The following GRB10 variants were observed in gnomAD, a reference collection of about 807,000 sequenced individuals.
GRB10 encodes the protein growth factor receptor bound protein 10, also known as growth factor receptor-bound protein 10.
A neutral mutation model predicts 80.9 loss-of-function variants in GRB10; 20 were observed. The ratio of observed to expected loss-of-function variants is 0.25; its 90% confidence interval spans 0.17 to 0.36. The LOEUF is 0.36. Among genes scored for constraint, GRB10 ranks in the 10% least tolerant of loss-of-function variants. GRB10 has a pLI of 1.00. For missense variants in GRB10, 548 were observed against 747.7 expected (o/e 0.73, Z 3.12); for synonymous variants, 291 against 291.5 (o/e 1.00, Z 0.02).
intron 6 of GRB10, among the ~76,000 whole-genome samples, chr7:50,671,431 G>A (rs957555374): frequency 6.6e-6 from 1 of 152,190 alleles, no homozygotes; most frequent in Non-Finnish European, 1.5e-5. Context: ...TTTTTTAAAG[G>A]AAGATCCAGC....
rs1290432550 is a variant in GRB10 at position 50,680,551 on chromosome 7, G to A, written c.140-5893C>T. On this transcript the variant is annotated intron_variant, in intron 5 of 18. Coordinates refer to ENST00000401949, the MANE Select transcript of GRB10 (RefSeq NM_001350814.2). ...AGTGGCAGGGCTCCAATCAGTGCTG[G>A]TGCCTATGGAGACTCAGAAGTCTCC... Among the ~76,000 whole-genome samples, 3 of 152,198 alleles carry A rather than the reference G, an allele frequency of 2.0e-5. No homozygotes were observed. The East Asian group carries it at 5.8e-4, about 29-fold the overall frequency.
chr7:50,765,559 T>G (rs2076256384), intron 2 of GRB10, among the ~76,000 whole-genome samples: 1 of 152,202 alleles, frequency 6.6e-6, no homozygotes, highest in African/African-American at 2.4e-5. Context: ...ACATATGACA[T>G]GTTCTCACTC....
Position 50,656,997 on chromosome 7 carries a change from C to T in GRB10, c.504+12725G>A, listed in dbSNP as rs564919178. On this transcript the variant is annotated intron_variant, in intron 7 of 18. Transcript: ENST00000401949. ...CATCATTTATAGCACAGACACTGGA[C>T]GACAATGCAAATTATCTGGTCACTG... Among the ~76,000 whole-genome samples, 8 of 152,204 alleles carry T rather than the reference C, an allele frequency of 5.3e-5. No individual in the cohort carries two copies. In the South Asian group the frequency reaches 8.3e-4, roughly 16 times the overall value.
rs767059957 is a variant in GRB10, at chr7:50,782,126, G to T, written c.-327+298C>A. ...CGAGGTTCGCTCGAATCGTCGTCAC[G>T]GGTTTCCGTGGGTACAGTTATTACT... is the stretch of plus-strand genomic sequence containing the variant. On this transcript the variant is annotated intron_variant, in intron 1 of 18. Coordinates refer to ENST00000401949, the MANE Select transcript of GRB10 (RefSeq NM_001350814.2). This position sits in a 1 kb window ranked among gnomAD's most constrained non-coding sequence, Gnocchi z 6.6. 5.3e-5 allele frequency among the ~76,000 whole-genome samples: 8 copies of T among 152,180 alleles called. No homozygotes were observed. The highest frequency in any genetic ancestry group is 2.0e-4 in the Admixed American group (3 of 15,286).
intron 4 of GRB10, among the ~76,000 whole-genome samples, chr7:50,706,907 G>A (rs2065114859): frequency 6.6e-6 from 1 of 152,156 alleles, no homozygotes; most frequent in South Asian, 2.1e-4. Context: ...TGGCCCGCTG[G>A]CCTCCCAACC....
At chr7:50,660,169 C>T (rs1000228885) in intron 7 of GRB10, among the ~76,000 whole-genome samples, 6 of 152,168 alleles carry the variant, frequency 3.9e-5, no homozygotes, top group East Asian at 1.9e-4. Context: ...GCTGCGGTGC[C>T]GTGTTCACGT....
At chr7:50,742,020 A>C (rs768203875) in intron 3 of GRB10, among the ~76,000 whole-genome samples, 52 of 152,108 alleles carry the variant, frequency 3.4e-4, no homozygotes, top group Non-Finnish European at 6.0e-4. Flanking sequence ...CAAAAAAAAA[A>C]ACCCAAATCA....
intron 2 of GRB10, among the ~76,000 whole-genome samples, chr7:50,762,626 T>G (rs2075884123): frequency 6.6e-6 from 1 of 152,168 alleles, no homozygotes; most frequent in South Asian, 2.1e-4. Context: ...CTCAGTAAGA[T>G]CCCACGGTCA....
rs1554295267 is a variant in GRB10 at position 50,749,135 on chromosome 7, T to TTTTTG, written c.-47+6751_-47+6752insCAAAA. ...TTGTTTTGTTTTGTTTTTTTGTTTG[T>TTTTTG]TTTTTTTTTTTGAGATGGAGTCTCA... On this transcript the variant is annotated intron_variant, in intron 3 of 18. Transcript: ENST00000401949. 2.7e-4 allele frequency among the ~76,000 whole-genome samples: 37 copies of TTTTTG among 139,422 alleles called. 1 individual carries two copies. Among genetic ancestry groups the TTTTTG allele is most frequent in the Non-Finnish European group, 5.2e-4 (33 of 63,706 alleles). 91.5% of individuals were successfully genotyped at this position (139,422 alleles called of 152,430 possible). A position where few individuals can be genotyped will look rare whatever the true frequency, so the allele number is the denominator to read the frequency against.
intron 3 of GRB10, 35 bp from the exon 4 acceptor site, chr7:50,732,403 G>GAAA: frequency 6.9e-5 from 63 of 914,520 alleles, no homozygotes; most frequent in Non-Finnish European, 7.5e-5. Context: ...AGCCAAGCCA[G>GAAA]AAAAAAAAAA....
intron 3 of GRB10, among the ~76,000 whole-genome samples, chr7:50,735,158 T>C (rs1292329843): frequency 1.3e-5 from 2 of 152,220 alleles, no homozygotes; most frequent in East Asian, 1.9e-4. Flanking sequence ...TTTGTGTTTA[T>C]AAATTAAGAA....
At chr7:50,726,524 T>C (rs1375348716) in intron 4 of GRB10, among the ~76,000 whole-genome samples, 1 of 152,194 alleles carries the variant, frequency 6.6e-6, no homozygotes, top group Non-Finnish European at 1.5e-5. Flanking sequence ...GATTTAGGCA[T>C]TAAAAAGAAA....
intron 5 of GRB10, among the ~76,000 whole-genome samples, chr7:50,702,444 A>T (rs1165934855): frequency 2.0e-5 from 3 of 152,222 alleles, no homozygotes; most frequent in Non-Finnish European, 1.5e-5. Flanking sequence ...CTCTGTGGAC[A>T]TGCCTGGGTC....
chr7:50,645,725 C>T (rs2057075155), intron 7 of GRB10: 2 of 572,144 alleles, frequency 3.5e-6, no homozygotes, highest in Non-Finnish European at 4.4e-6. Context: ...CAGTAAACAT[C>T]GTCTAGAGTT....
At position 50,592,975 on chromosome 7, in the gene GRB10, G is replaced by A; in HGVS notation, c.1762C>T (p.His588Tyr). ...GGTCATAAGGCCACTCGGATGCAGT[G>A]GTGCTTGAGTTTGCAAGGCAGGACT... ...KGVLPCKLKH[H>Y]CIRVAL The change falls in exon 19 of 19, where the codon CAC (histidine) becomes TAC (tyrosine). Residue 588 changes from histidine (H) to tyrosine (Y), a missense_variant. Around this residue, in one of 4 missense-constraint regions of GRB10, gnomAD observed 32 missense variants for 66.0 expected, o/e 0.48. Coordinates refer to ENST00000401949, the MANE Select transcript of GRB10 (RefSeq NM_001350814.2). 3 of 1,614,204 alleles carry A rather than the reference G, an allele frequency of 1.9e-6. No homozygotes were observed. The highest frequency in any genetic ancestry group is 2.5e-6 in the Non-Finnish European group (3 of 1,180,034).
intron 11 of GRB10, among the ~76,000 whole-genome samples, chr7:50,615,712 A>G (rs1321552938): frequency 2.0e-5 from 3 of 152,226 alleles, no homozygotes; most frequent in Non-Finnish European, 4.4e-5. Flanking sequence ...TGTACATGGG[A>G]GCAAAGGAGC....
intron 5 of GRB10, among the ~76,000 whole-genome samples, chr7:50,680,768 C>T (rs2061454703): frequency 6.6e-6 from 1 of 152,200 alleles, no homozygotes; most frequent in African/African-American, 2.4e-5. Context: ...TTACTATTTA[C>T]AGGTGGTTTC....
Position 50,782,645 on chromosome 7 carries a change from G to C in GRB10, c.-548C>G, listed in dbSNP as rs931270986. The C allele has an allele frequency of 6.6e-6, 1 of 151,738 alleles. No individual in the cohort carries two copies. The highest frequency in any genetic ancestry group is 6.6e-5 in the Admixed American group (1 of 15,242). 9.4% of individuals were successfully genotyped at this position (151,738 alleles called of 1,614,324 possible). ...GGGGCCTCGGGGCCACCGCGCGCCA[G>C]GCGAACGCGCTAGCACGAAAAGCGG... On this transcript the variant is annotated 5_prime_UTR_variant, in exon 1 of 19. Coordinates refer to ENST00000401949, the MANE Select transcript of GRB10 (RefSeq NM_001350814.2). The surrounding 1 kb of genome is among the most constrained non-coding windows in gnomAD (Gnocchi z 6.6).
intron 7 of GRB10, among the ~76,000 whole-genome samples, chr7:50,662,335 T>G (rs1347779130): frequency 6.6e-6 from 1 of 152,192 alleles, no homozygotes; most frequent in Admixed American, 6.5e-5. Flanking sequence ...GGCTCCCTGA[T>G]AAGTGGAATG....
Sources: allele counts gnomAD v4.1 joint callset (sites outside exome capture counted in the v4.1 genomes callset), GRCh38; gene constraint gnomAD v4.1.1; regional missense constraint gnomAD v4.1.1; non-coding constraint Gnocchi (gnomAD v3.1); transcripts MANE v1.5; gene names NCBI Gene and HGNC (gene_info 2026-07-23, HGNC 2026-07-21).